FILIP1L: variants seen among roughly 807,000 people sequenced by gnomAD.
FILIP1L encodes filamin A-interacting protein 1-like.
FILIP1L carries 55 observed loss-of-function variants against 96.6 expected under a neutral mutation model. That is an observed-to-expected ratio of 0.57 (90% CI 0.46 to 0.71). The LOEUF (loss-of-function observed/expected upper bound fraction) is 0.71. Ranked by LOEUF, FILIP1L falls within the 30% of genes least tolerant of loss-of-function variation. The probability of loss-of-function intolerance (pLI) is 0.00; values close to 1 mark genes in which losing one functional copy is unlikely to be tolerated. For synonymous variants in FILIP1L, 467 were observed against 473.9 expected (o/e 0.99, Z 0.19); for missense variants, 1,304 against 1,321.2 (o/e 0.99, Z 0.20).
In FILIP1L at chr3:100,000,405, G is replaced by A. The variant is rs139741907; in HGVS notation, c.-10-69375C>T. On this transcript the variant is annotated intron_variant, in intron 1 of 5. Coordinates refer to ENST00000477258, the MANE Select transcript of FILIP1L (RefSeq NM_001387850.1). Reference sequence around the variant, plus strand: ...GAGGAATATCATATATTTATTGGCAGCTGCTGTTGTGTGAATGTCGTCAGC... The same window carrying A: ...GAGGAATATCATATATTTATTGGCAACTGCTGTTGTGTGAATGTCGTCAGC... Among the ~76,000 whole-genome samples the A allele has an allele frequency of 7.2e-3, 1,094 of 152,288 alleles. 4 individuals carry two copies. Among genetic ancestry groups the A allele is most frequent in the African/African-American group, 1.0e-2 (414 of 41,546 alleles).
intron 4 of FILIP1L, among the ~76,000 whole-genome samples, chr3:99,894,049 A>G (rs1047199978): frequency 2.6e-5 from 4 of 152,224 alleles, no homozygotes; most frequent in Non-Finnish European, 5.9e-5. Flanking sequence ...ACCAGCATAT[A>G]ATAGCTTCAG....
At chr3:99,974,151 A>G (rs1015903219) in intron 1 of FILIP1L, among the ~76,000 whole-genome samples, 1 of 152,186 alleles carries the variant, frequency 6.6e-6, no homozygotes, top group Admixed American at 6.5e-5. Context: ...AATTGCTTGT[A>G]GGTATTGGAC....
chr3:100,100,304 G>A (rs570585891), intron 1 of FILIP1L, among the ~76,000 whole-genome samples: 1 of 152,264 alleles, frequency 6.6e-6, no homozygotes, highest in South Asian at 2.1e-4. Context: ...AGGGTAAAAT[G>A]TAGTAGTCCC....
chr3:99,851,783 A>G (rs1209083609), intron 4 of FILIP1L, among the ~76,000 whole-genome samples: 3 of 152,222 alleles, frequency 2.0e-5, no homozygotes, highest in Non-Finnish European at 4.4e-5. Context: ...CTCTGTGCCA[A>G]TTAAAACTTG....
intron 1 of FILIP1L, among the ~76,000 whole-genome samples, chr3:100,065,605 A>C (rs960165046): frequency 2.0e-5 from 3 of 152,146 alleles, no homozygotes; most frequent in African/African-American, 7.2e-5. Context: ...CTAATGAAAA[A>C]AGTATTCACT....
At chr3:99,831,695 A>G (rs1206999059) in intron 5 of FILIP1L, among the ~76,000 whole-genome samples, 5 of 152,226 alleles carry the variant, frequency 3.3e-5, no homozygotes, top group African/African-American at 1.2e-4. Context: ...TTAGTGTTCA[A>G]AAATCTATGT....
chr3:99,952,003 T>C (rs368127695), intron 1 of FILIP1L, among the ~76,000 whole-genome samples: 2 of 152,320 alleles, frequency 1.3e-5, no homozygotes, highest in Middle Eastern at 3.4e-3. Flanking sequence ...ACACCCTTAG[T>C]TGAAATTTAT....
intron 1 of FILIP1L, among the ~76,000 whole-genome samples, chr3:99,976,658 C>A (rs1708980385): frequency 6.6e-6 from 1 of 152,010 alleles, no homozygotes. Flanking sequence ...AAACTGTTTA[C>A]CTTCAAGATT....
At chr3:100,030,227 TTTTGA>T (rs2065000899) in intron 1 of FILIP1L, among the ~76,000 whole-genome samples, 2 of 152,120 alleles carry the variant, frequency 1.3e-5, no homozygotes, top group African/African-American at 4.8e-5. Context: ...TTTTTGGGCA[TTTTGA>T]CTGTATAGTA....
At chr3:100,058,971 G>C (rs1016819919) in intron 1 of FILIP1L, among the ~76,000 whole-genome samples, 7 of 152,216 alleles carry the variant, frequency 4.6e-5, no homozygotes, top group Non-Finnish European at 1.0e-4. Context: ...TGCAAGTTCA[G>C]GAAAAGGTCC....
intron 4 of FILIP1L, among the ~76,000 whole-genome samples, chr3:99,881,393 C>T (rs1465060229): frequency 6.6e-6 from 1 of 152,076 alleles, no homozygotes; most frequent in East Asian, 1.9e-4. Flanking sequence ...GAAAAAAAAC[C>T]CCCAAATCAC....
intron 1 of FILIP1L, among the ~76,000 whole-genome samples, chr3:100,042,662 T>C (rs1026358419): frequency 6.6e-6 from 1 of 152,248 alleles, no homozygotes; most frequent in Non-Finnish European, 1.5e-5. Flanking sequence ...AGAATTTTAT[T>C]GCCTTTTATG....
chr3:99,932,974 TTC>T (rs1340062574), intron 1 of FILIP1L, among the ~76,000 whole-genome samples: 6 of 152,216 alleles, frequency 3.9e-5, no homozygotes, highest in African/African-American at 1.4e-4. Context: ...CTAAGCATTC[TTC>T]TCAGCATTTT....
At position 99,929,439 on chromosome 3, in the gene FILIP1L, G is replaced by T. The variant is rs530065097; in HGVS notation, c.426+417C>A. 2.0e-5 allele frequency among the ~76,000 whole-genome samples: 3 copies of T among 152,194 alleles called. No individual in the cohort carries two copies. In the East Asian group the frequency reaches 5.8e-4, roughly 29 times the overall value. On this transcript the variant is annotated intron_variant, in intron 3 of 5. Transcript: ENST00000477258. ...AATTTCTATGACATAATACCTCAGTGTTTTCCAAAAATTAACCTCTATGGT... is the reference window on the plus strand; with the variant it reads ...AATTTCTATGACATAATACCTCAGTTTTTTCCAAAAATTAACCTCTATGGT...
At chr3:100,046,484 C>A (rs1055391392) in intron 1 of FILIP1L, among the ~76,000 whole-genome samples, 3 of 150,622 alleles carry the variant, frequency 2.0e-5, no homozygotes, top group Non-Finnish European at 2.9e-5. Flanking sequence ...AGTTTTATCT[C>A]TAGAGCTTGT....
rs992235840 is a variant in FILIP1L, at chr3:99,849,256, T to C, written c.2420A>G (p.Asn807Ser). The C allele has an allele frequency of 9.9e-6, 16 of 1,614,082 alleles. No individual in the cohort carries two copies. Among genetic ancestry groups the C allele is most frequent in the Admixed American group, 1.7e-5 (1 of 60,008 alleles). ...GAGGCTCTTGTAATCAGGTGGTTCATTGTCTACTGCTTCTGTCTGAACTTC... is the reference window on the plus strand; with the variant it reads ...GAGGCTCTTGTAATCAGGTGGTTCACTGTCTACTGCTTCTGTCTGAACTTC... The part of the protein sequence containing the change: ...SKEVQTEAVD[N>S]EPPDYKSLIP... Residue 807 changes from asparagine (N) to serine (S), a missense_variant, in exon 5 of 6, where the codon AAT becomes AGT. Physicochemically the swap from Asn to Ser is conservative, Grantham distance 46 (BLOSUM62 1). Transcript: ENST00000477258.
At chr3:99,844,869 A>G (rs930620803) in intron 5 of FILIP1L, among the ~76,000 whole-genome samples, 1 of 152,204 alleles carries the variant, frequency 6.6e-6, no homozygotes, top group Non-Finnish European at 1.5e-5. Flanking sequence ...TCTTGCTGCC[A>G]GGTGAGATGT....
chr3:100,103,174 A>AT (rs993609189), intron 1 of FILIP1L, among the ~76,000 whole-genome samples: 2 of 152,194 alleles, frequency 1.3e-5, no homozygotes, highest in Non-Finnish European at 2.9e-5. Context: ...GAAACTGGTG[A>AT]TTTGAAGTCT....
intron 4 of FILIP1L, among the ~76,000 whole-genome samples, chr3:99,887,575 G>A (rs555688485): frequency 2.0e-5 from 3 of 152,204 alleles, no homozygotes; most frequent in Non-Finnish European, 2.9e-5. Context: ...AGACAGTCGG[G>A]TGCCATCAGC....
Sources: gnomAD v4.1 joint callset for allele counts (sites outside exome capture counted in the v4.1 genomes callset) on GRCh38, gnomAD v4.1.1 for gene constraint, MANE v1.5 for transcripts, NCBI Gene and HGNC (gene_info 2026-07-23, HGNC 2026-07-21) for gene names.